VMP1: variants seen among roughly 807,000 people sequenced by gnomAD.
The protein encoded by VMP1 is ectopic P-granules autophagy protein 3 homolog.
In VMP1, 11 loss-of-function variants were observed where a neutral mutation model predicts 56.0. The observed-to-expected ratio is 0.20, with a 90% CI of 0.12 to 0.32. The LOEUF is 0.32. Ranked by LOEUF, VMP1 falls within the 10% of genes least tolerant of loss-of-function variation. The pLI is 1.00. For missense variants in VMP1, 296 were observed against 490.3 expected, an observed-to-expected ratio of 0.60 and a Z score of 3.74; for synonymous variants, 149 against 165.0, an observed-to-expected ratio of 0.90 and a Z score of 0.74.
At position 59,738,907 on chromosome 17, in the gene VMP1, T is replaced by C. The variant is rs1336816360; in HGVS notation, c.374T>C (p.Val125Ala). The change falls in exon 5 of 12, where the codon GTT becomes GCT. Residue 125 changes from valine (V) to alanine (A), a missense_variant. Coordinates refer to ENST00000262291, the MANE Select transcript of VMP1 (RefSeq NM_030938.5). ...ATAGGCTTAGGAATTTTGTCTTCTG[T>C]TGGGCTTGGAACAGGGCTGCACACC... ...YWIGLGILSS[V>A]GLGTGLHTFL... The C allele has an allele frequency of 6.2e-7, 1 of 1,613,124 alleles. No individual in the cohort carries two copies.
At chr17:59,753,113 G>C (rs1012052089) in intron 5 of VMP1, among the ~76,000 whole-genome samples, 1 of 151,818 alleles carries the variant, frequency 6.6e-6, no homozygotes, top group African/African-American at 2.4e-5. Context: ...CCGTCTCTAC[G>C]AAAAAAATTT....
At chr17:59,714,497 T>C (rs978167160) in intron 1 of VMP1, among the ~76,000 whole-genome samples, 3 of 152,102 alleles carry the variant, frequency 2.0e-5, no homozygotes, top group Non-Finnish European at 4.4e-5. Context: ...TAGGAGTGTT[T>C]GAAAGAAGAA....
At chr17:59,744,482 A>G (rs1325018219) in intron 5 of VMP1, among the ~76,000 whole-genome samples, 1 of 148,812 alleles carries the variant, frequency 6.7e-6, no homozygotes, top group Non-Finnish European at 1.5e-5. Flanking sequence ...AAAAAAAAAA[A>G]AGTCAATATT....
At chr17:59,794,487 G>A (rs1271827711) in intron 7 of VMP1, among the ~76,000 whole-genome samples, 2 of 146,954 alleles carry the variant, frequency 1.4e-5, no homozygotes, top group African/African-American at 2.5e-5. Context: ...CAAAGTGCTG[G>A]GATTACAGGT....
chr17:59,806,183 CAGA>C (rs1418896566), intron 7 of VMP1, among the ~76,000 whole-genome samples: 1 of 151,760 alleles, frequency 6.6e-6, no homozygotes, highest in Non-Finnish European at 1.5e-5. Context: ...ATGGATTTTG[CAGA>C]AGGATAGGAT....
rs71145575 is a variant in VMP1, at chr17:59,809,484, A to ATTT, written c.795+646_795+648dup. On this transcript the variant is annotated intron_variant, in intron 8 of 11. Coordinates refer to ENST00000262291, the MANE Select transcript of VMP1 (RefSeq NM_030938.5). Reference sequence around the variant, plus strand: ...AGGCGACTGCCACCACACCCAGCTAATTTTTTTTTTTTTTTTTTTTTTTTT... The same window carrying ATTT: ...AGGCGACTGCCACCACACCCAGCTAATTTTTTTTTTTTTTTTTTTTTTTTTTTT... Among the ~76,000 whole-genome samples the ATTT allele has an allele frequency of 5.3e-4, 28 of 52,716 alleles. 2 individuals carry two copies. The highest frequency in any genetic ancestry group is 7.1e-4 in the African/African-American group (7 of 9,802). 34.6% of individuals were successfully genotyped at this position (52,716 alleles called of 152,430 possible).
intron 7 of VMP1, among the ~76,000 whole-genome samples, chr17:59,801,106 A>ATGTG (rs1466626934): frequency 3.9e-5 from 5 of 128,196 alleles, no homozygotes; most frequent in African/African-American, 2.0e-4. Context: ...ATATATATAT[A>ATGTG]TATATATGTG....
At chr17:59,747,430 G>A (rs894824609) in intron 5 of VMP1, among the ~76,000 whole-genome samples, 1 of 137,984 alleles carries the variant, frequency 7.2e-6, no homozygotes, top group Non-Finnish European at 1.5e-5. Flanking sequence ...TTTTTTTTGA[G>A]ATGGAATCTC....
At chr17:59,725,082 G>A (rs572436627) in intron 1 of VMP1, among the ~76,000 whole-genome samples, 2 of 152,256 alleles carry the variant, frequency 1.3e-5, no homozygotes, top group African/African-American at 4.8e-5. Context: ...ACTTGAACCT[G>A]GGAAGCAGAG....
chr17:59,789,627 C>T (rs1190542977), intron 7 of VMP1, among the ~76,000 whole-genome samples: 1 of 151,942 alleles, frequency 6.6e-6, no homozygotes, highest in South Asian at 2.1e-4. Flanking sequence ...TAAATACAAA[C>T]CCACCCTTTG....
intron 5 of VMP1, among the ~76,000 whole-genome samples, chr17:59,758,176 T>A (rs2035917525): frequency 1.3e-5 from 2 of 152,102 alleles, no homozygotes; most frequent in African/African-American, 4.8e-5. Context: ...CCTGTATTGA[T>A]CTTTACCTTG....
intron 7 of VMP1, among the ~76,000 whole-genome samples, chr17:59,783,723 A>G (rs1336274695): frequency 6.6e-6 from 1 of 151,924 alleles, no homozygotes; most frequent in African/African-American, 2.4e-5. Context: ...TGTTGATTCT[A>G]TCTCCATAGT....
chr17:59,757,273 A>ATAGATAGG (rs1555617357), intron 5 of VMP1, among the ~76,000 whole-genome samples: 1 of 151,978 alleles, frequency 6.6e-6, no homozygotes, highest in Non-Finnish European at 1.5e-5. Context: ...AGATAGATAG[A>ATAGATAGG]TAGATAGATA....
chr17:59,821,923 A>G (rs1598443241), intron 10 of VMP1, among the ~76,000 whole-genome samples: 1 of 150,942 alleles, frequency 6.6e-6, no homozygotes, highest in Non-Finnish European at 1.5e-5. Flanking sequence ...GCTCACTGCA[A>G]CCTCCGCCTC....
intron 5 of VMP1, among the ~76,000 whole-genome samples, chr17:59,752,437 GTTCACC>G (rs1202753209): frequency 6.6e-6 from 1 of 152,008 alleles, no homozygotes; most frequent in African/African-American, 2.4e-5. Context: ...TGTGTATTTG[GTTCACC>G]CATTTGCCAA....
intron 6 of VMP1, among the ~76,000 whole-genome samples, chr17:59,772,837 T>C (rs945706678): frequency 3.3e-5 from 5 of 151,840 alleles, no homozygotes; most frequent in African/African-American, 1.2e-4. Flanking sequence ...CTGACTACAA[T>C]TTGTTAAAAG....
Position 59,841,244 on chromosome 17 carries a change from C to G in VMP1, c.*1333C>G. On this transcript the variant is annotated 3_prime_UTR_variant, in exon 12 of 12. Coordinates refer to ENST00000262291, the MANE Select transcript of VMP1 (RefSeq NM_030938.5). ...CTGCTTGTTTTGCCTACCATCGTGA[C>G]ATCTCCATGGCTGTACCACCTTGTC... 1 of 482,344 alleles carries G rather than the reference C, an allele frequency of 2.1e-6. No individual in the cohort carries two copies. Among genetic ancestry groups the G allele is most frequent in the Non-Finnish European group, 4.5e-6 (1 of 221,216 alleles). 29.9% of individuals were successfully genotyped at this position (482,344 alleles called of 1,614,324 possible). A position where few individuals can be genotyped will look rare whatever the true frequency, so the allele number is the denominator to read the frequency against.
At chr17:59,740,809 T>C (rs1309971493) in intron 5 of VMP1, among the ~76,000 whole-genome samples, 1 of 152,240 alleles carries the variant, frequency 6.6e-6, no homozygotes, top group Non-Finnish European at 1.5e-5. Flanking sequence ...AGACCTGTCC[T>C]CATATTCCTT....
At chr17:59,808,956 A>G in intron 8 of VMP1, 80 bp downstream of exon 8, 1 of 1,180,200 alleles carries the variant, frequency 8.5e-7, no homozygotes, top group Non-Finnish European at 1.2e-6. Context: ...TGAATTAACA[A>G]AAGTGCTATC....
Sources: gnomAD v4.1 joint callset for allele counts (sites outside exome capture counted in the v4.1 genomes callset) on GRCh38, gnomAD v4.1.1 for gene constraint, MANE v1.5 for transcripts, NCBI Gene and HGNC (gene_info 2026-07-23, HGNC 2026-07-21) for gene names.